SERINC5: variants seen among roughly 807,000 people sequenced by gnomAD.
SERINC5 encodes serine incorporator 5.
Under a neutral mutation model 63.1 loss-of-function variants are expected in SERINC5, and 41 were observed. The observed-to-expected ratio is 0.65, with a 90% CI of 0.51 to 0.84. SERINC5 has a LOEUF of 0.84. Ranked by LOEUF, SERINC5 falls within the 40% of genes least tolerant of loss-of-function variation. The probability of loss-of-function intolerance (pLI) is 0.00; values close to 1 mark genes in which losing one functional copy is unlikely to be tolerated. For synonymous variants in SERINC5, 222 were observed against 215.2 expected, an observed-to-expected ratio of 1.03 and a Z score of -0.28; for missense variants, 523 against 573.0, an observed-to-expected ratio of 0.91 and a Z score of 0.89.
chr5:80,158,818 G>C lies in SERINC5; in HGVS notation c.986+18C>G, dbSNP rs1341488050. 3 of 1,606,092 alleles carry C rather than the reference G, an allele frequency of 1.9e-6. No individual in the cohort carries two copies. Among genetic ancestry groups the C allele is most frequent in the Non-Finnish European group, 2.5e-6 (3 of 1,177,654 alleles). ...TTAAAGTCTGCAAAAGTGACCTTGA[G>C]TAACTCCCAAGACTTACCATGAATA... On this transcript the variant is annotated intron_variant, in intron 8 of 11. Transcript: ENST00000507668.
intron 1 of SERINC5, among the ~76,000 whole-genome samples, chr5:80,251,298 A>G (rs200623370): frequency 1.4e-3 from 108 of 76,154 alleles, no homozygotes; most frequent in Non-Finnish European, 2.9e-3. Context: ...ATGCATACAT[A>G]CATACATACA....
chr5:80,127,281 T>C (rs967584984), intron 11 of SERINC5, among the ~76,000 whole-genome samples: 5 of 152,170 alleles, frequency 3.3e-5, no homozygotes, highest in African/African-American at 1.2e-4. Context: ...CTTTGACCAA[T>C]GCAATGATAA....
intron 7 of SERINC5, among the ~76,000 whole-genome samples, chr5:80,161,024 ATATACACACGTG>A (rs1157103376): frequency 0.057 from 7,555 of 133,582 alleles, 681 homozygotes; most frequent in African/African-American, 0.23. Flanking sequence ...ACGTGTATAT[ATATACACACGTG>A]TATATATATA....
chr5:80,171,721 A>G (rs1335743333), intron 5 of SERINC5, among the ~76,000 whole-genome samples: 2 of 151,992 alleles, frequency 1.3e-5, no homozygotes, highest in Non-Finnish European at 2.9e-5. Flanking sequence ...AACCAAACCA[A>G]AACAAAAAAC....
chr5:80,146,282 T>C, intron 10 of SERINC5, 48 bp from the exon 11 acceptor site: 1 of 1,604,008 alleles, frequency 6.2e-7, no homozygotes, highest in Non-Finnish European at 8.5e-7. Flanking sequence ...ATGTGTGTGT[T>C]TACCATTCAG....
intron 2 of SERINC5, among the ~76,000 whole-genome samples, chr5:80,178,788 C>T (rs1211241071): frequency 1.5e-5 from 1 of 67,540 alleles, no homozygotes; most frequent in East Asian, 4.4e-4. Flanking sequence ...TGTCACTCCT[C>T]TCCCTCAGAA....
At chr5:80,148,354 C>G (rs191030854) in intron 9 of SERINC5, among the ~76,000 whole-genome samples, 3 of 151,660 alleles carry the variant, frequency 2.0e-5, no homozygotes, top group African/African-American at 7.3e-5. Context: ...CCATGCCTGG[C>G]TAATTTTGTA....
In SERINC5 at chr5:80,122,761, G is replaced by A. The variant is rs551968917; in HGVS notation, c.1239-9136C>T. Among the ~76,000 whole-genome samples, 13 of 152,334 alleles carry A rather than the reference G, an allele frequency of 8.5e-5. No individual in the cohort carries two copies. The East Asian group carries it at 9.7e-4, about 11-fold the overall frequency. On this transcript the variant is annotated intron_variant, in intron 11 of 12. Transcript: ENST00000509193. ...GTGCCATTGCTGCTTGAAGATGGCA[G>A]CACCACGTGAGAAGGAATACCTCAA...
chr5:80,229,995 A>G (rs927529613), intron 1 of SERINC5, among the ~76,000 whole-genome samples: 6 of 152,192 alleles, frequency 3.9e-5, no homozygotes, highest in African/African-American at 1.2e-4. Flanking sequence ...ACTCCAAAGC[A>G]CTAGCATCTC....
chr5:80,216,790 C>T (rs191294128), intron 1 of SERINC5, among the ~76,000 whole-genome samples: 38 of 152,046 alleles, frequency 2.5e-4, no homozygotes, highest in Admixed American at 1.4e-3. Flanking sequence ...GTGGGTAGAT[C>T]GCTTGAGTCC....
intron 11 of SERINC5, 183 bp from the exon 12 acceptor site, chr5:80,143,993 C>T: frequency 4.4e-6 from 3 of 688,702 alleles, no homozygotes; most frequent in Middle Eastern, 4.1e-4. Flanking sequence ...AATCATGCAC[C>T]CCTTAGGTGC....
rs1354720364 is a variant in SERINC5, at chr5:80,256,030, C to A, written c.-108G>T. ...GGCTCAGCCGCAGCTCACACTTGAA[C>A]GAAGATCAGCCTCGGCGAAGCGCCT... On this transcript the variant is annotated 5_prime_UTR_variant, in exon 1 of 12. Transcript: ENST00000507668. 2.5e-6 allele frequency: 3 copies of A among 1,184,378 alleles called. No homozygotes were observed. The highest frequency in any genetic ancestry group is 3.4e-6 in the Non-Finnish European group (3 of 891,648). The allele number at this position is 1,184,378 out of a possible 1,614,324, so 73.4% of individuals were successfully genotyped here. A position where few individuals can be genotyped will look rare whatever the true frequency, so the allele number is the denominator to read the frequency against.
intron 2 of SERINC5, among the ~76,000 whole-genome samples, chr5:80,188,309 A>G (rs1218997508): frequency 6.6e-6 from 1 of 151,496 alleles, no homozygotes; most frequent in Admixed American, 6.6e-5. Context: ...AAAAAAATCT[A>G]ACTGCAAAGG....
intron 4 of SERINC5, among the ~76,000 whole-genome samples, chr5:80,176,501 G>A (rs1007188282): frequency 2.0e-5 from 3 of 152,052 alleles, no homozygotes; most frequent in Non-Finnish European, 2.9e-5. Context: ...GTGCAATCTC[G>A]GCTCACTGCA....
At chr5:80,216,474 T>C (rs1463998860) in intron 1 of SERINC5, among the ~76,000 whole-genome samples, 1 of 152,174 alleles carries the variant, frequency 6.6e-6, no homozygotes, top group Non-Finnish European at 1.5e-5. Flanking sequence ...GAAAACTTGT[T>C]GGAAAGCTAA....
At chr5:80,191,166 CCT>C (rs10600532) in intron 2 of SERINC5, among the ~76,000 whole-genome samples, 47,955 of 151,122 alleles carry the variant, frequency 0.32, 8,393 homozygotes, top group East Asian at 0.8. Flanking sequence ...ATAAGGAAAT[CCT>C]CTGTTTTAAC....
rs1745505352 is a variant in SERINC5 at position 80,141,528 on chromosome 5, G to A, written c.*2135C>T. The A allele has an allele frequency of 1.0e-6, 1 of 985,382 alleles. No individual in the cohort carries two copies. The highest frequency in any genetic ancestry group is 1.2e-6 in the Non-Finnish European group (1 of 830,008). 61.0% of individuals were successfully genotyped at this position (985,382 alleles called of 1,614,324 possible). On this transcript the variant is annotated 3_prime_UTR_variant, in exon 12 of 12. Coordinates refer to ENST00000507668, the MANE Select transcript of SERINC5 (RefSeq NM_001174072.3). The stretch of plus-strand genomic sequence containing the variant: ...AGAGGACAAAGCAAGGGCTCTGCTA[G>A]ACCTCAGCAGGAGGAAAACAATGAA...
At chr5:80,223,971 CA>C (rs958053392) in intron 1 of SERINC5, among the ~76,000 whole-genome samples, 95 of 139,462 alleles carry the variant, frequency 6.8e-4, no homozygotes, top group South Asian at 9.0e-4. Context: ...GATAAAAATA[CA>C]AAAAAAAAAA....
intron 9 of SERINC5, among the ~76,000 whole-genome samples, chr5:80,148,667 CA>C (rs559491306): frequency 1.4e-3 from 182 of 127,410 alleles, no homozygotes; most frequent in Middle Eastern, 3.8e-3. Flanking sequence ...GGCCCTGTCT[CA>C]AAAAAAAAAA....
Sources: allele counts gnomAD v4.1 joint callset (sites outside exome capture counted in the v4.1 genomes callset), GRCh38; gene constraint gnomAD v4.1.1; transcripts MANE v1.5; gene names NCBI Gene and HGNC (gene_info 2026-07-23, HGNC 2026-07-21).